The following STK3 variants were observed in gnomAD, a reference collection of about 807,000 sequenced individuals.
The protein encoded by STK3 is serine/threonine kinase 3.
Under a neutral mutation model 58.0 loss-of-function variants are expected in STK3, and 41 were observed. The observed-to-expected ratio is 0.71, with a 90% CI of 0.55 to 0.92. The LOEUF (loss-of-function observed/expected upper bound fraction) is 0.92, where lower values mean the gene tolerates loss of function less well. Ranked by LOEUF, STK3 falls within the 40% of genes least tolerant of loss-of-function variation. The probability of loss-of-function intolerance (pLI) is 0.00; values close to 1 mark genes in which losing one functional copy is unlikely to be tolerated. For synonymous variants in STK3, 170 were observed against 191.0 expected (o/e 0.89, Z 0.91); for missense variants, 479 against 602.7 (o/e 0.79, Z 2.15).
chr8:98,398,479 C>A (rs2131022324), downstream of STK3, among the ~76,000 whole-genome samples: 1 of 152,270 alleles, frequency 6.6e-6, no homozygotes, highest in Non-Finnish European at 1.5e-5. Context: ...CCTTTCCACC[C>A]TAGCCTTAAA....
chr8:98,804,914 C>T (rs889698387), intron 1 of STK3, among the ~76,000 whole-genome samples: 8 of 152,242 alleles, frequency 5.3e-5, no homozygotes, highest in Non-Finnish European at 8.8e-5. Context: ...ATGCTAATGG[C>T]GGAACACTGC....
At chr8:98,376,324 C>T (rs1055694073) in intron 2 of STK3, among the ~76,000 whole-genome samples, 1 of 152,152 alleles carries the variant, frequency 6.6e-6, no homozygotes, top group African/African-American at 2.4e-5. Context: ...GGATACAAGT[C>T]CTTTGTCAGA....
At chr8:98,792,199 G>A (rs1832849028) in intron 1 of STK3, among the ~76,000 whole-genome samples, 1 of 152,038 alleles carries the variant, frequency 6.6e-6, no homozygotes, top group Non-Finnish European at 1.5e-5. Context: ...AACAAACATA[G>A]GAAAAAATGC....
intron 1 of STK3, among the ~76,000 whole-genome samples, chr8:98,810,815 T>TG (rs1179943535): frequency 1.3e-5 from 2 of 152,168 alleles, no homozygotes; most frequent in East Asian, 3.9e-4. Flanking sequence ...GGATCCTTCA[T>TG]GAATGGCTTG....
intron 1 of STK3, among the ~76,000 whole-genome samples, chr8:98,784,203 G>T (rs952270858): frequency 1.3e-5 from 2 of 152,238 alleles, no homozygotes; most frequent in Non-Finnish European, 1.5e-5. Context: ...TATTTTAAAT[G>T]TGGGTGCATG....
chr8:98,430,122 C>T (rs1193663884), intron 3 of STK3: 3 of 167,004 alleles, frequency 1.8e-5, no homozygotes, highest in Admixed American at 6.5e-5. Context: ...CAGTGAAGAT[C>T]GAATTTTTTT....
At chr8:98,849,318 A>G (rs180829847) in intron 3 of STK3, among the ~76,000 whole-genome samples, 1 of 152,264 alleles carries the variant, frequency 6.6e-6, no homozygotes, top group Admixed American at 6.5e-5. Context: ...CTAAAGCACT[A>G]GCTATAGAAG....
chr8:98,389,471 C>T (rs1398634205), upstream of STK3, among the ~76,000 whole-genome samples: 1 of 152,150 alleles, frequency 6.6e-6, no homozygotes, highest in Admixed American at 6.5e-5. Context: ...TCTTAACAGT[C>T]ACGAAAACAC....
intron 1 of STK3, among the ~76,000 whole-genome samples, chr8:98,914,222 A>G (rs1417367038): frequency 6.6e-6 from 1 of 152,110 alleles, no homozygotes; most frequent in Non-Finnish European, 1.5e-5. Flanking sequence ...GAGGTGAGGC[A>G]GGCAGATCCC....
At chr8:98,928,036 C>T (rs1469613779) in intron 1 of STK3, among the ~76,000 whole-genome samples, 3 of 152,150 alleles carry the variant, frequency 2.0e-5, no homozygotes, top group Non-Finnish European at 4.4e-5. Flanking sequence ...CTAATACAGG[C>T]TTGTCTGTAG....
chr8:98,589,931 G>A (rs1390986084), intron 7 of STK3, among the ~76,000 whole-genome samples: 1 of 152,228 alleles, frequency 6.6e-6, no homozygotes, highest in Admixed American at 6.5e-5. Flanking sequence ...CTTCCCGAGT[G>A]AGGCAATGCC....
chr8:98,557,958 G>A (rs1163161976), intron 8 of STK3, among the ~76,000 whole-genome samples: 1 of 151,996 alleles, frequency 6.6e-6, no homozygotes, highest in Non-Finnish European at 1.5e-5. Flanking sequence ...CATGATGCAA[G>A]ACTGTACAAG....
intron 6 of STK3, among the ~76,000 whole-genome samples, chr8:98,602,876 TA>T (rs11299438): frequency 0.67 from 91,821 of 136,316 alleles, 30,342 homozygotes; most frequent in African/African-American, 0.84. Context: ...TCCAAATAAC[TA>T]AAAAAAAAAA....
chr8:98,512,146 G>C (rs919405302), intron 10 of STK3, among the ~76,000 whole-genome samples: 2 of 150,422 alleles, frequency 1.3e-5, no homozygotes, highest in Non-Finnish European at 3.0e-5. Context: ...AACAGGCTCC[G>C]GATTGTGATG....
chr8:98,757,582 G>A (rs1333157392), intron 3 of STK3, among the ~76,000 whole-genome samples: 3 of 142,858 alleles, frequency 2.1e-5, no homozygotes, highest in East Asian at 2.1e-4. Context: ...GCAACAGGGC[G>A]AGACTCCATC....
chr8:98,713,874 A>C (rs1034087923), intron 4 of STK3, among the ~76,000 whole-genome samples: 5 of 152,190 alleles, frequency 3.3e-5, no homozygotes, highest in Non-Finnish European at 7.3e-5. Context: ...CGATGCAAAA[A>C]TCCTCAATAA....
At chr8:98,392,921 C>T (rs950913675), upstream of STK3, among the ~76,000 whole-genome samples, 1 of 152,176 alleles carries the variant, frequency 6.6e-6, no homozygotes, top group Non-Finnish European at 1.5e-5. Flanking sequence ...TGGATCCCCC[C>T]TTCAGTTCAG....
At chr8:98,641,258 T>C (rs1310545026) in intron 6 of STK3, among the ~76,000 whole-genome samples, 1 of 152,156 alleles carries the variant, frequency 6.6e-6, no homozygotes, top group African/African-American at 2.4e-5. Flanking sequence ...CTTTTGACCA[T>C]GTTAGTGTTT....
chr8:98,581,555 G>A (rs1199003042), intron 7 of STK3, among the ~76,000 whole-genome samples: 4 of 151,746 alleles, frequency 2.6e-5, no homozygotes, highest in Non-Finnish European at 4.4e-5. Flanking sequence ...CTGGTGACCG[G>A]GGTAGGCCAT....
Sources: gnomAD v4.1 joint callset for allele counts (sites outside exome capture counted in the v4.1 genomes callset) on GRCh38, gnomAD v4.1.1 for gene constraint, MANE v1.5 for transcripts, NCBI Gene and HGNC (gene_info 2026-07-23, HGNC 2026-07-21) for gene names.